SLC35F1: variants seen among roughly 807,000 people sequenced by gnomAD.
SLC35F1 encodes solute carrier family 35 member F1, also known as chromosome 6 open reading frame 169.
SLC35F1 carries 14 observed loss-of-function variants against 48.7 expected under a neutral mutation model. The observed-to-expected ratio is 0.29, with a 90% CI of 0.19 to 0.45. The LOEUF is 0.45. Among genes scored for constraint, SLC35F1 ranks in the 20% least tolerant of loss-of-function variants. The pLI is 1.00. For missense variants in SLC35F1, 404 were observed against 500.0 expected (o/e 0.81, Z 1.83); for synonymous variants, 190 against 202.2 (o/e 0.94, Z 0.51).
chr6:118,302,231 C>T (rs1412637130), intron 7 of SLC35F1, among the ~76,000 whole-genome samples: 2 of 151,996 alleles, frequency 1.3e-5, no homozygotes, highest in Non-Finnish European at 2.9e-5. Flanking sequence ...ACCAGTAGCC[C>T]TGAGCTAAGA....
chr6:118,048,725 A>C (rs1254728781), intron 1 of SLC35F1, among the ~76,000 whole-genome samples: 3 of 152,224 alleles, frequency 2.0e-5, no homozygotes, highest in Non-Finnish European at 4.4e-5. Flanking sequence ...GATACAAACA[A>C]ATGGAAGAAC....
At chr6:118,046,090 A>G (rs1481832431) in intron 1 of SLC35F1, among the ~76,000 whole-genome samples, 1 of 152,200 alleles carries the variant, frequency 6.6e-6, no homozygotes, top group Non-Finnish European at 1.5e-5. Flanking sequence ...TGTGAACACT[A>G]TCCTAAAATA....
At position 117,907,342 on chromosome 6, in the gene SLC35F1, A is replaced by C; in HGVS notation, c.-385A>C. 6.8e-6 allele frequency among the ~76,000 whole-genome samples: 1 copy of C among 148,006 alleles called. No individual in the cohort carries two copies. ...AACTGCCGCCGCGCGCCCCGAGGAG[A>C]CCCGGGCACGAGGAAACAAGGAGAA... is the stretch of plus-strand genomic sequence containing the variant. On this transcript the variant is annotated 5_prime_UTR_variant, in exon 1 of 8. Transcript: ENST00000360388.
intron 1 of SLC35F1, among the ~76,000 whole-genome samples, chr6:117,974,030 G>A (rs1394363923): frequency 6.6e-6 from 1 of 152,142 alleles, no homozygotes; most frequent in Non-Finnish European, 1.5e-5. Context: ...GTTTTACTGG[G>A]GAGGTTATAT....
At chr6:118,008,738 G>C (rs1052415997) in intron 1 of SLC35F1, among the ~76,000 whole-genome samples, 14 of 152,168 alleles carry the variant, frequency 9.2e-5, no homozygotes, top group African/African-American at 3.4e-4. Flanking sequence ...TAAGCAGATG[G>C]TCAGTGACAA....
chr6:117,926,707 A>G (rs540388083), intron 1 of SLC35F1, among the ~76,000 whole-genome samples: 1 of 152,248 alleles, frequency 6.6e-6, no homozygotes, highest in African/African-American at 2.4e-5. Flanking sequence ...CTGGAGGAGT[A>G]GGTAGGGGCC....
chr6:118,089,146 G>T (rs1298528437), intron 1 of SLC35F1, among the ~76,000 whole-genome samples: 1 of 152,210 alleles, frequency 6.6e-6, no homozygotes, highest in African/African-American at 2.4e-5. Flanking sequence ...GTGTGGGAAA[G>T]AGAGAGGACC....
At chr6:117,917,994 C>A (rs953055104) in intron 1 of SLC35F1, among the ~76,000 whole-genome samples, 1 of 151,996 alleles carries the variant, frequency 6.6e-6, no homozygotes, top group Non-Finnish European at 1.5e-5. Flanking sequence ...CAGAAGGAGG[C>A]AATAAGCAGT....
intron 1 of SLC35F1, chr6:117,999,518 C>A (rs1272740362): frequency 8.8e-6 from 9 of 1,023,718 alleles, no homozygotes; most frequent in Non-Finnish European, 1.3e-5. Context: ...CTATCATCTG[C>A]ATGGGGCTGG....
intron 2 of SLC35F1, among the ~76,000 whole-genome samples, chr6:118,161,765 G>A (rs1330374391): frequency 1.3e-5 from 2 of 152,182 alleles, no homozygotes; most frequent in East Asian, 1.9e-4. Flanking sequence ...TTATGCTTAT[G>A]TTGTCTAGGA....
At chr6:118,263,816 T>C (rs1057246384) in intron 3 of SLC35F1, among the ~76,000 whole-genome samples, 1 of 152,212 alleles carries the variant, frequency 6.6e-6, no homozygotes, top group East Asian at 1.9e-4. Context: ...GTATGTTTTA[T>C]GTTATGTGAC....
At chr6:118,212,325 C>T (rs1268220578) in intron 2 of SLC35F1, among the ~76,000 whole-genome samples, 1 of 152,174 alleles carries the variant, frequency 6.6e-6, no homozygotes, top group African/African-American at 2.4e-5. Flanking sequence ...GCCTTCCAAC[C>T]ATTTACTTTT....
chr6:118,200,633 A>C (rs1483452620), intron 2 of SLC35F1, among the ~76,000 whole-genome samples: 1 of 152,190 alleles, frequency 6.6e-6, no homozygotes, highest in Non-Finnish European at 1.5e-5. Flanking sequence ...CCAGATTTTT[A>C]AGGGACCAGG....
chr6:118,272,737 G>GTGTATATATATATA (rs201515909), intron 4 of SLC35F1, among the ~76,000 whole-genome samples: 1 of 120,250 alleles, frequency 8.3e-6, no homozygotes, highest in African/African-American at 3.2e-5. Context: ...ATATGTGTGT[G>GTGTATATATATATA]TATATATATA....
intron 1 of SLC35F1, among the ~76,000 whole-genome samples, chr6:118,089,824 A>T (rs1252201448): frequency 6.6e-6 from 1 of 152,222 alleles, no homozygotes; most frequent in East Asian, 1.9e-4. Context: ...ATCAGCCTCC[A>T]ATTTGACTTT....
intron 1 of SLC35F1, among the ~76,000 whole-genome samples, chr6:118,017,181 GCCT>G (rs2114881236): frequency 6.6e-6 from 1 of 152,274 alleles, no homozygotes; most frequent in South Asian, 2.1e-4. Flanking sequence ...CCTCACTTAG[GCCT>G]GGATTACATC....
intron 1 of SLC35F1, among the ~76,000 whole-genome samples, chr6:117,946,568 A>C (rs901348158): frequency 2.0e-5 from 3 of 152,212 alleles, no homozygotes; most frequent in Admixed American, 2.0e-4. Context: ...CATCTAATAT[A>C]TCTCTCTTTG....
At chr6:118,202,712 A>T (rs1774887451) in intron 2 of SLC35F1, among the ~76,000 whole-genome samples, 1 of 152,222 alleles carries the variant, frequency 6.6e-6, no homozygotes, top group Non-Finnish European at 1.5e-5. Context: ...ACAGACAACC[A>T]CATAAACAAA....
chr6:118,250,353 A>G (rs1353099186), intron 3 of SLC35F1, among the ~76,000 whole-genome samples: 1 of 152,214 alleles, frequency 6.6e-6, no homozygotes, highest in East Asian at 1.9e-4. Context: ...GATAGTGCCT[A>G]CACACAGAAG....
Sources: allele counts gnomAD v4.1 joint callset (sites outside exome capture counted in the v4.1 genomes callset), GRCh38; gene constraint gnomAD v4.1.1; transcripts MANE v1.5; gene names NCBI Gene and HGNC (gene_info 2026-07-23, HGNC 2026-07-21).